The following MRPL12 variants were observed in gnomAD, a reference collection of about 807,000 sequenced individuals.
The protein encoded by MRPL12 is mitochondrial ribosomal protein L12.
In MRPL12, 13 loss-of-function variants were observed where a neutral mutation model predicts 21.1. The observed-to-expected ratio is 0.62, with a 90% CI of 0.40 to 0.98. MRPL12 has a LOEUF of 0.98. Ranked by LOEUF, MRPL12 falls within the 50% of genes least tolerant of loss-of-function variation. The probability of loss-of-function intolerance (pLI) is 0.00; values close to 1 mark genes in which losing one functional copy is unlikely to be tolerated. For missense variants in MRPL12, 251 were observed against 268.6 expected (o/e 0.93, Z 0.46); for synonymous variants, 126 against 115.3 (o/e 1.09, Z -0.60).
chr17:81,706,207 C>T (rs990415712), intron 3 of MRPL12, among the ~76,000 whole-genome samples: 6 of 152,296 alleles, frequency 3.9e-5, no homozygotes, highest in East Asian at 3.9e-4. Context: ...TCATAAGTTA[C>T]GCTTTCTAAG....
Position 81,704,693 on chromosome 17 carries a change from G to C in MRPL12, c.322G>C (p.Val108Leu). The change falls in exon 3 of 5, where the codon GTC becomes CTC. Residue 108 changes from valine (V) to leucine (L), a missense_variant. Coordinates refer to ENST00000333676, the MANE Select transcript of MRPL12 (RefSeq NM_002949.4). ...GATGGGTGGTGTGATGTCTGGGGCTGTCCCTGCTGCAGCAGCCCAGGAGGT... is the reference window on the plus strand; with the variant it reads ...GATGGGTGGTGTGATGTCTGGGGCTCTCCCTGCTGCAGCAGCCCAGGAGGT... ...VPMGGVMSGA[V>L]PAAAAQEAVE... 1 of 1,613,658 alleles carries C rather than the reference G, an allele frequency of 6.2e-7. No homozygotes were observed. Among genetic ancestry groups the C allele is most frequent in the South Asian group, 1.1e-5 (1 of 91,050 alleles).
chr17:81,704,672 G>C lies in MRPL12; in HGVS notation c.301G>C (p.Gly101Arg). ...CCAGGATGTCGGGCTTGTGCCGATG[G>C]GTGGTGTGATGTCTGGGGCTGTCCC... is the stretch of plus-strand genomic sequence containing the variant. ...KIQDVGLVPMGGVMSGAVPAA... is the reference protein window; with the variant it reads ...KIQDVGLVPMRGVMSGAVPAA... The change falls in exon 3 of 5, where the codon GGT becomes CGT. Residue 101 changes from glycine to arginine, a missense_variant. Gly to Arg is a moderately radical substitution (Grantham distance 125). Transcript: ENST00000333676. The C allele has an allele frequency of 6.2e-7, 1 of 1,613,920 alleles. No homozygotes were observed. The highest frequency in any genetic ancestry group is 8.5e-7 in the Non-Finnish European group (1 of 1,180,000).
At position 81,704,388 on chromosome 17, in the gene MRPL12, C is replaced by T; in HGVS notation, c.219C>T (p.Ser73=). The T allele has an allele frequency of 6.2e-7, 1 of 1,613,500 alleles. No homozygotes were observed. The highest frequency in any genetic ancestry group is 8.5e-7 in the Non-Finnish European group (1 of 1,179,862). ...AGCAGCTGGTCCAGGACATCGCCAGCCTCACTCTCTTGGAAATCTCAGACC... is the reference window on the plus strand; with the variant it reads ...AGCAGCTGGTCCAGGACATCGCCAGTCTCACTCTCTTGGAAATCTCAGACC... ...KIQQLVQDIA[S]LTLLEISDLN... Residue 73 remains serine (S), a synonymous_variant, in exon 2 of 5, where the codon AGC becomes AGT. Coordinates refer to ENST00000333676, the MANE Select transcript of MRPL12 (RefSeq NM_002949.4).
chr17:81,703,496 G>C lies in MRPL12; in HGVS notation c.-6G>C. The C allele has an allele frequency of 6.7e-7, 1 of 1,486,816 alleles. No individual in the cohort carries two copies. Among genetic ancestry groups the C allele is most frequent in the Non-Finnish European group, 8.9e-7 (1 of 1,124,708 alleles). The allele number at this position is 1,486,816 out of a possible 1,614,324, so 92.1% of individuals were successfully genotyped here. A position where few individuals can be genotyped will look rare whatever the true frequency, so the allele number is the denominator to read the frequency against. ...AACCGCGTGTGACCTTCCAGCCCGC[G>C]GACCGATGCTGCCGGCGGCCGCTCG... is the stretch of plus-strand genomic sequence containing the variant. On this transcript the variant is annotated 5_prime_UTR_variant, in exon 1 of 5. Transcript: ENST00000333676.
In MRPL12 at chr17:81,707,403, G is replaced by A; in HGVS notation, c.*163G>A. 2 of 693,670 alleles carry A rather than the reference G, an allele frequency of 2.9e-6. No homozygotes were observed. The highest frequency in any genetic ancestry group is 4.6e-6 in the Non-Finnish European group (2 of 430,668). The allele number at this position is 693,670 out of a possible 1,614,324, so 43.0% of individuals were successfully genotyped here. On this transcript the variant is annotated 3_prime_UTR_variant, in exon 5 of 5. Transcript: ENST00000333676. ...GCCGGACAGGCCGCACAGACCTACT[G>A]TGGCGGGAGGGAGGGGCGGCTGCTG...
chr17:81,706,825 G>C (rs2037318399), intron 3 of MRPL12, 81 bp from the exon 4 acceptor site: 5 of 1,543,748 alleles, frequency 3.2e-6, no homozygotes, highest in Non-Finnish European at 4.4e-6. Context: ...TGGGGCTTTA[G>C]ACTGGGGTGG....
intron 3 of MRPL12, 74 bp downstream of exon 3, chr17:81,704,790 T>TCTCA: frequency 7.8e-7 from 1 of 1,281,166 alleles, no homozygotes; most frequent in Non-Finnish European, 1.1e-6. Flanking sequence ...TGGTCCCGTA[T>TCTCA]CTCAGGTTCT....
chr17:81,707,228 G>A lies in MRPL12; in HGVS notation c.585G>A (p.Val195=), dbSNP rs748777076. 1 of 1,596,020 alleles carries A rather than the reference G, an allele frequency of 6.3e-7. No homozygotes were observed. Among genetic ancestry groups the A allele is most frequent in the Non-Finnish European group, 8.5e-7 (1 of 1,170,238 alleles). Residue 195 remains valine (V), a synonymous_variant, in exon 5 of 5, where the codon GTG becomes GTA. Transcript: ENST00000333676. ...KAALEAVGGT[V]VLE is the part of the protein sequence containing the mutation. ...CCCTGGAGGCGGTGGGCGGCACCGT[G>A]GTTCTGGAGTAGCCTCCAGCTCGGA...
chr17:81,704,474 G>A (rs2037292201), intron 2 of MRPL12, 44 bp downstream of exon 2: 1 of 1,591,638 alleles, frequency 6.3e-7, no homozygotes, highest in Non-Finnish European at 8.6e-7. Flanking sequence ...GGAAGTTTCA[G>A]GGCCCCTGTG....
In MRPL12 at chr17:81,703,491, C is replaced by T. The variant is rs529316402; in HGVS notation, c.-11C>T. The stretch of plus-strand genomic sequence containing the variant: ...CGGGGAACCGCGTGTGACCTTCCAG[C>T]CCGCGGACCGATGCTGCCGGCGGCC... On this transcript the variant is annotated 5_prime_UTR_variant, in exon 1 of 5. Coordinates refer to ENST00000333676, the MANE Select transcript of MRPL12 (RefSeq NM_002949.4). 14 of 1,487,330 alleles carry T rather than the reference C, an allele frequency of 9.4e-6. No individual in the cohort carries two copies. In the Admixed American group the frequency reaches 1.6e-4, roughly 17 times the overall value. 92.1% of individuals were successfully genotyped at this position (1,487,330 alleles called of 1,614,324 possible). A position where few individuals can be genotyped will look rare whatever the true frequency, so the allele number is the denominator to read the frequency against.
At position 81,704,131 on chromosome 17, in the gene MRPL12, C is replaced by T. The variant is rs2037287076; in HGVS notation, c.75-113C>T. ...AGGTAATTTCCGGCCCTAGTGATTACCAGCCTGAGCTTATGGCACCCACCA... is the reference window on the plus strand; with the variant it reads ...AGGTAATTTCCGGCCCTAGTGATTATCAGCCTGAGCTTATGGCACCCACCA... On this transcript the variant is annotated intron_variant, in intron 1 of 4. Transcript: ENST00000333676. The T allele has an allele frequency of 2.1e-5, 23 of 1,113,494 alleles. No individual in the cohort carries two copies. The East Asian group carries it at 6.1e-4, about 29-fold the overall frequency. 69.0% of individuals were successfully genotyped at this position (1,113,494 alleles called of 1,614,324 possible).
At position 81,706,661 on chromosome 17, in the gene MRPL12, G is replaced by A. The variant is rs575428337; in HGVS notation, c.346-245G>A. On this transcript the variant is annotated intron_variant, in intron 3 of 4. Coordinates refer to ENST00000333676, the MANE Select transcript of MRPL12 (RefSeq NM_002949.4). Reference sequence around the variant, plus strand: ...GTGGAGGTTGCAGTGAGCTGAGGTCGCACCACTGCACTCCAGCCTGGATGA... The same window carrying A: ...GTGGAGGTTGCAGTGAGCTGAGGTCACACCACTGCACTCCAGCCTGGATGA... 5.3e-5 allele frequency among the ~76,000 whole-genome samples: 8 copies of A among 152,186 alleles called. No individual in the cohort carries two copies. In the South Asian group the frequency reaches 1.2e-3, roughly 24 times the overall value.
intron 2 of MRPL12, 58 bp from the exon 3 acceptor site, chr17:81,704,575 T>C: frequency 6.3e-7 from 1 of 1,597,398 alleles, no homozygotes. Context: ...TTGCCCCTCC[T>C]CAGTAGGTTC....
chr17:81,707,480 C>T lies in MRPL12; in HGVS notation c.*240C>T. The T allele has an allele frequency of 1.9e-6, 1 of 513,868 alleles. No individual in the cohort carries two copies. The highest frequency in any genetic ancestry group is 2.3e-5 in the South Asian group (1 of 43,986). The allele number at this position is 513,868 out of a possible 1,614,324, so 31.8% of individuals were successfully genotyped here. A position where few individuals can be genotyped will look rare whatever the true frequency, so the allele number is the denominator to read the frequency against. On this transcript the variant is annotated 3_prime_UTR_variant, in exon 5 of 5. Transcript: ENST00000333676. The stretch of plus-strand genomic sequence containing the variant: ...CAGGACGCGCCACCGGTGAATGTGC[C>T]TCTGGTGGCTGCTGAGAAAAATACA...
chr17:81,705,613 C>G (rs1340990430), intron 3 of MRPL12, among the ~76,000 whole-genome samples: 2 of 152,144 alleles, frequency 1.3e-5, no homozygotes, highest in African/African-American at 4.8e-5. Context: ...GGGTGTCTGA[C>G]AATTCAGGGA....
Position 81,706,905 on chromosome 17 carries a change from G to C in MRPL12, c.346-1G>C, listed in dbSNP as rs1316798409. 1 of 1,613,708 alleles carries C rather than the reference G, an allele frequency of 6.2e-7. No homozygotes were observed. Among genetic ancestry groups the C allele is most frequent in the Non-Finnish European group, 8.5e-7 (1 of 1,179,994 alleles). ...GCTCCCCTTCTTTCCTGCTCCCTAA[G>C]GCGGTGGAAGAAGATATCCCCATAG... On this transcript the variant is annotated splice_acceptor_variant, in intron 3 of 4. Transcript: ENST00000333676. LOFTEE classifies it high-confidence loss of function.
In MRPL12 at chr17:81,707,400, A is replaced by C; in HGVS notation, c.*160A>C. 2.8e-6 allele frequency: 2 copies of C among 706,556 alleles called. No individual in the cohort carries two copies. The highest frequency in any genetic ancestry group is 1.8e-5 in the African/African-American group (1 of 55,346). The allele number at this position is 706,556 out of a possible 1,614,324, so 43.8% of individuals were successfully genotyped here. On this transcript the variant is annotated 3_prime_UTR_variant, in exon 5 of 5. Coordinates refer to ENST00000333676, the MANE Select transcript of MRPL12 (RefSeq NM_002949.4). ...GGGGCCGGACAGGCCGCACAGACCT[A>C]CTGTGGCGGGAGGGAGGGGCGGCTG...
chr17:81,704,226 ATTGGGGG>A lies in MRPL12; in HGVS notation c.75-16_75-10del, dbSNP rs1568223201. On this transcript the variant is annotated splice_polypyrimidine_tract_variant and intron_variant, in intron 1 of 4. Coordinates refer to ENST00000333676, the MANE Select transcript of MRPL12 (RefSeq NM_002949.4). ...TTCCAGGACTGACAAGTCTGTTTTA[ATTGGGGG>A]TGGGGGCTAGGCGACAGGTGCCATG... 1.3e-6 allele frequency: 2 copies of A among 1,592,758 alleles called. No homozygotes were observed. Among genetic ancestry groups the A allele is most frequent in the Non-Finnish European group, 1.7e-6 (2 of 1,169,574 alleles).
intron 3 of MRPL12, among the ~76,000 whole-genome samples, chr17:81,705,188 CA>C (rs2037301677): frequency 6.7e-6 from 1 of 149,742 alleles, no homozygotes; most frequent in African/African-American, 2.5e-5. Context: ...CTCAAACAAA[CA>C]AACAAAATAA....
Sources: gnomAD v4.1 joint callset for allele counts (sites outside exome capture counted in the v4.1 genomes callset) on GRCh38, gnomAD v4.1.1 for gene constraint, MANE v1.5 for transcripts, NCBI Gene and HGNC (gene_info 2026-07-23, HGNC 2026-07-21) for gene names.